The following ARHGAP42 variants were observed in gnomAD, a reference collection of about 807,000 sequenced individuals.
ARHGAP42 encodes rho GTPase-activating protein 42.
A neutral mutation model predicts 125.0 loss-of-function variants in ARHGAP42; 63 were observed. That is an observed-to-expected ratio of 0.50 (90% CI 0.41 to 0.62). ARHGAP42 has a LOEUF of 0.62. Among genes scored for constraint, ARHGAP42 ranks in the 20% least tolerant of loss-of-function variants. The pLI is 0.00. For synonymous variants in ARHGAP42, 339 were observed against 351.0 expected (o/e 0.97, Z 0.38); for missense variants, 766 against 1,024.2 (o/e 0.75, Z 3.44).
chr11:100,879,935 C>A (rs906821857), intron 4 of ARHGAP42, among the ~76,000 whole-genome samples: 1 of 152,130 alleles, frequency 6.6e-6, no homozygotes, highest in African/African-American at 2.4e-5. Flanking sequence ...TTTTTAAAGT[C>A]ATTGAACCCT....
At chr11:100,707,195 TA>T (rs1251218790) in intron 1 of ARHGAP42, among the ~76,000 whole-genome samples, 1 of 152,220 alleles carries the variant, frequency 6.6e-6, no homozygotes, top group African/African-American at 2.4e-5. Context: ...CTGTTAAGAA[TA>T]ATGTTGCTGT....
intron 1 of ARHGAP42, among the ~76,000 whole-genome samples, chr11:100,699,498 A>G (rs1591113828): frequency 5.5e-5 from 2 of 36,228 alleles, no homozygotes; most frequent in South Asian, 1.1e-3. Flanking sequence ...ATATATATAT[A>G]TATATATATT....
intron 3 of ARHGAP42, among the ~76,000 whole-genome samples, chr11:100,800,293 G>A (rs1450831488): frequency 2.0e-5 from 3 of 152,170 alleles, no homozygotes; most frequent in East Asian, 3.9e-4. Flanking sequence ...TTAGAAAGCA[G>A]AGATGGCAAG....
chr11:100,810,649 C>T (rs1864117754), intron 3 of ARHGAP42, among the ~76,000 whole-genome samples: 1 of 152,130 alleles, frequency 6.6e-6, no homozygotes, highest in Admixed American at 6.5e-5. Context: ...TAAAATATCC[C>T]CTCCCATCTG....
intron 2 of ARHGAP42, among the ~76,000 whole-genome samples, chr11:100,794,271 C>T (rs1043853486): frequency 3.9e-5 from 6 of 152,106 alleles, no homozygotes; most frequent in Admixed American, 6.5e-5. Flanking sequence ...GAATATGCTA[C>T]TATAACATCC....
intron 1 of ARHGAP42, among the ~76,000 whole-genome samples, chr11:100,727,180 A>C (rs1861876871): frequency 6.6e-6 from 1 of 152,214 alleles, no homozygotes. Flanking sequence ...TTGTGCAGCA[A>C]ACTTGGAAAA....
intron 4 of ARHGAP42, among the ~76,000 whole-genome samples, chr11:100,909,980 A>G (rs1370528017): frequency 6.6e-6 from 1 of 152,162 alleles, no homozygotes; most frequent in African/African-American, 2.4e-5. Flanking sequence ...GTTTCCTTCC[A>G]TTCCTCATTT....
Position 100,728,713 on chromosome 11 carries a change from CGTATATATATATATAT to C in ARHGAP42, c.154+40882_154+40897del, listed in dbSNP as rs763145558. Among the ~76,000 whole-genome samples, 858 of 95,300 alleles carry C rather than the reference CGTATATATATATATAT, an allele frequency of 9.0e-3. 24 individuals are homozygous for C. The highest frequency in any genetic ancestry group is 0.032 in the East Asian group (82 of 2,560). The allele number at this position is 95,300 out of a possible 152,430, so 62.5% of individuals were successfully genotyped here. A position where few individuals can be genotyped will look rare whatever the true frequency, so the allele number is the denominator to read the frequency against. On this transcript the variant is annotated intron_variant, in intron 1 of 23. Coordinates refer to ENST00000298815, the MANE Select transcript of ARHGAP42 (RefSeq NM_152432.4). ...AAGTGAAATTATATGAATGACTTTG[CGTATATATATATATAT>C]ATATATATATATATATATATATATA...
chr11:100,918,573 A>T (rs2135239388), intron 5 of ARHGAP42, among the ~76,000 whole-genome samples: 1 of 152,354 alleles, frequency 6.6e-6, no homozygotes, highest in African/African-American at 2.4e-5. Flanking sequence ...CAAAATATAT[A>T]GTACCAGTTG....
intron 12 of ARHGAP42, among the ~76,000 whole-genome samples, chr11:100,957,531 G>T (rs1364198255): frequency 6.6e-6 from 1 of 152,052 alleles, no homozygotes; most frequent in East Asian, 1.9e-4. Context: ...TTTAAACAAA[G>T]CTGTGCACTA....
chr11:100,825,220 C>G (rs2135083131), intron 3 of ARHGAP42, among the ~76,000 whole-genome samples: 1 of 152,240 alleles, frequency 6.6e-6, no homozygotes, highest in East Asian at 1.9e-4. Flanking sequence ...TGCTTTCAGG[C>G]TTCAAATTAT....
chr11:100,954,476 G>A (rs567878270), intron 12 of ARHGAP42, among the ~76,000 whole-genome samples: 1 of 152,218 alleles, frequency 6.6e-6, no homozygotes, highest in South Asian at 2.1e-4. Context: ...CTGCTTGTGT[G>A]TTTAAGTGGC....
chr11:100,917,410 C>T (rs61890834), intron 5 of ARHGAP42, among the ~76,000 whole-genome samples: 6,019 of 152,114 alleles, frequency 0.04, 201 homozygotes, highest in Non-Finnish European at 0.057. Context: ...TTTGTTGTGC[C>T]GGACTGTCTT....
At chr11:100,864,822 C>G (rs1172464428) in intron 4 of ARHGAP42, among the ~76,000 whole-genome samples, 1 of 152,136 alleles carries the variant, frequency 6.6e-6, no homozygotes, top group African/African-American at 2.4e-5. Flanking sequence ...CAAACTTACC[C>G]CTTGAACCAA....
At chr11:100,947,545 G>A (rs920183118) in intron 10 of ARHGAP42, among the ~76,000 whole-genome samples, 8 of 151,870 alleles carry the variant, frequency 5.3e-5, no homozygotes, top group African/African-American at 1.9e-4. Context: ...ACATAACACA[G>A]TGCCTGTCAC....
intron 4 of ARHGAP42, among the ~76,000 whole-genome samples, chr11:100,870,947 T>TAAAAA (rs35187671): frequency 7.0e-6 from 1 of 141,896 alleles, no homozygotes; most frequent in Non-Finnish European, 1.5e-5. Flanking sequence ...AAAGAAGGTT[T>TAAAAA]AAAAAAAAAA....
At chr11:100,917,412 G>T (rs1458455437) in intron 5 of ARHGAP42, among the ~76,000 whole-genome samples, 1 of 152,022 alleles carries the variant, frequency 6.6e-6, no homozygotes, top group Non-Finnish European at 1.5e-5. Flanking sequence ...TGTTGTGCCG[G>T]ACTGTCTTTG....
At chr11:100,892,327 A>G (rs1182997615) in intron 4 of ARHGAP42, among the ~76,000 whole-genome samples, 1 of 152,190 alleles carries the variant, frequency 6.6e-6, no homozygotes, top group African/African-American at 2.4e-5. Flanking sequence ...ATTTTGAAAT[A>G]TAGAGAAGTC....
At chr11:100,765,429 A>T (rs61890762) in intron 1 of ARHGAP42, among the ~76,000 whole-genome samples, 9,295 of 152,130 alleles carry the variant, frequency 0.061, 367 homozygotes, top group East Asian at 0.19. Flanking sequence ...TGCTTTTCCT[A>T]GCTTGTGTGA....
Sources: gnomAD v4.1 joint callset for allele counts (sites outside exome capture counted in the v4.1 genomes callset) on GRCh38, gnomAD v4.1.1 for gene constraint, MANE v1.5 for transcripts, NCBI Gene and HGNC (gene_info 2026-07-23, HGNC 2026-07-21) for gene names.